Variants in ATAD2B observed in about 807,000 individuals in gnomAD.
ATAD2B encodes the protein ATPase family AAA domain-containing protein 2B.
In ATAD2B, 40 loss-of-function variants were observed where a neutral mutation model predicts 167.6. The ratio of observed to expected loss-of-function variants is 0.24; its 90% CI spans 0.19 to 0.31. The LOEUF (loss-of-function observed/expected upper bound fraction) is 0.31, where lower values mean the gene tolerates loss of function less well. ATAD2B is among the 10% of genes least tolerant of loss of function. ATAD2B has a pLI of 1.00. For synonymous variants in ATAD2B, 579 were observed against 596.5 expected, an observed-to-expected ratio of 0.97 and a Z score of 0.43; for missense variants, 1,242 against 1,757.2, an observed-to-expected ratio of 0.71 and a Z score of 5.24.
chr2:23,884,746 CAA>C lies in ATAD2B; in HGVS notation c.784+17_784+18del. ...CTCCCACCTGAACTTTCTAGAATTC[CAA>C]AAAGTGCTTTACAAACCTTCTTCTT... On this transcript the variant is annotated intron_variant, in intron 6 of 27. Coordinates refer to ENST00000238789, the MANE Select transcript of ATAD2B (RefSeq NM_017552.4). The C allele has an allele frequency of 6.8e-7, 1 of 1,465,292 alleles. No homozygotes were observed. The highest frequency in any genetic ancestry group is 9.3e-7 in the Non-Finnish European group (1 of 1,078,514). The allele number at this position is 1,465,292 out of a possible 1,614,324, so 90.8% of individuals were successfully genotyped here.
intron 25 of ATAD2B, among the ~76,000 whole-genome samples, chr2:23,755,794 T>C (rs1006691335): frequency 1.3e-4 from 20 of 152,168 alleles, no homozygotes; most frequent in Admixed American, 9.2e-4. Context: ...TGTATCATGA[T>C]ATATCAGAGA....
chr2:23,845,896 T>C (rs1174633845), intron 13 of ATAD2B, among the ~76,000 whole-genome samples: 1 of 137,268 alleles, frequency 7.3e-6, no homozygotes, highest in Non-Finnish European at 1.5e-5. Context: ...TGGATCTTAT[T>C]AGGGGTAGAA....
intron 23 of ATAD2B, among the ~76,000 whole-genome samples, chr2:23,764,937 T>C (rs1045980238): frequency 3.9e-5 from 6 of 152,340 alleles, no homozygotes; most frequent in African/African-American, 1.4e-4. Flanking sequence ...GGTTCCCTAC[T>C]GGGAGGTCTC....
At chr2:23,872,118 C>T (rs1291277525) in intron 8 of ATAD2B, 8 of 252,974 alleles carry the variant, frequency 3.2e-5, no homozygotes, top group African/African-American at 9.0e-5. Flanking sequence ...CCTCATGATT[C>T]GCCCATCTCG....
the ATAD2B span, among the ~76,000 whole-genome samples, chr2:23,728,673 A>C: frequency 1.3e-5 from 2 of 152,230 alleles, no homozygotes; most frequent in African/African-American, 4.8e-5. Context: ...AAAACACTAT[A>C]ATCAAATTTT....
intron 18 of ATAD2B, among the ~76,000 whole-genome samples, chr2:23,804,674 GAA>G (rs556263378): frequency 1.6e-5 from 2 of 126,162 alleles, no homozygotes; most frequent in African/African-American, 2.9e-5. Context: ...AAAAAATCAG[GAA>G]AAAAAAAAAA....
chr2:23,864,469 A>C (rs1021962502), intron 11 of ATAD2B, among the ~76,000 whole-genome samples: 1 of 152,188 alleles, frequency 6.6e-6, no homozygotes, highest in Non-Finnish European at 1.5e-5. Flanking sequence ...GAAACACATC[A>C]ATAAAACTGT....
chr2:23,794,968 G>T (rs549705509), intron 19 of ATAD2B, among the ~76,000 whole-genome samples: 3 of 152,090 alleles, frequency 2.0e-5, no homozygotes, highest in Non-Finnish European at 4.4e-5. Context: ...GAATGTCAAA[G>T]AAGTTCTAAA....
At chr2:23,892,224 C>T (rs186122552) in intron 2 of ATAD2B, among the ~76,000 whole-genome samples, 193 of 152,056 alleles carry the variant, frequency 1.3e-3, no homozygotes, top group African/African-American at 4.4e-3. Context: ...AGTGCAGTGG[C>T]GCGATCTTGG....
chr2:23,689,024 C>T, the ATAD2B span: 16 of 153,294 alleles, frequency 1.0e-4, no homozygotes, highest in African/African-American at 3.8e-4. Context: ...GCGCCCCCAC[C>T]CCCTCACAGC....
intron 13 of ATAD2B, among the ~76,000 whole-genome samples, chr2:23,838,293 T>G (rs1392184960): frequency 6.6e-6 from 1 of 152,232 alleles, no homozygotes; most frequent in Non-Finnish European, 1.5e-5. Flanking sequence ...AATCTTTCCT[T>G]GGTATCTTCC....
chr2:23,719,312 G>T, the ATAD2B span, among the ~76,000 whole-genome samples: 1 of 152,076 alleles, frequency 6.6e-6, no homozygotes, highest in Non-Finnish European at 1.5e-5. Flanking sequence ...GACATACAAG[G>T]AACTAGGAAT....
At chr2:23,726,836 T>C in the ATAD2B span, among the ~76,000 whole-genome samples, 1 of 152,170 alleles carries the variant, frequency 6.6e-6, no homozygotes, top group African/African-American at 2.4e-5. Flanking sequence ...AGCTTCAGTT[T>C]TGCAAGATGA....
chr2:23,877,067 C>CAAAAA (rs36018928), intron 7 of ATAD2B, among the ~76,000 whole-genome samples: 5 of 109,012 alleles, frequency 4.6e-5, no homozygotes, highest in East Asian at 2.5e-4. Context: ...AACTCCATCT[C>CAAAAA]AAAAAAAAAA....
the ATAD2B span, among the ~76,000 whole-genome samples, chr2:23,722,577 T>C: frequency 3.3e-5 from 5 of 152,122 alleles, no homozygotes; most frequent in Non-Finnish European, 5.9e-5. Context: ...AGAAGATTTA[T>C]AGGACACCAT....
chr2:23,906,875 T>C (rs1166846007), intron 1 of ATAD2B, among the ~76,000 whole-genome samples: 3 of 151,822 alleles, frequency 2.0e-5, no homozygotes, highest in Non-Finnish European at 4.4e-5. Context: ...ACCACATGAT[T>C]ATCTCAATAG....
chr2:23,782,160 C>T (rs1285585231), intron 22 of ATAD2B, among the ~76,000 whole-genome samples: 1 of 152,172 alleles, frequency 6.6e-6, no homozygotes, highest in African/African-American at 2.4e-5. Flanking sequence ...AGCCTTGCTC[C>T]ATTTTCTTGC....
At chr2:23,906,491 G>T (rs917710863) in intron 1 of ATAD2B, among the ~76,000 whole-genome samples, 4 of 152,152 alleles carry the variant, frequency 2.6e-5, no homozygotes, top group Non-Finnish European at 2.9e-5. Context: ...ATTTGGGGTG[G>T]AGAGTTCTGT....
intron 1 of ATAD2B, among the ~76,000 whole-genome samples, chr2:23,908,366 G>A (rs1231378581): frequency 6.6e-6 from 1 of 152,202 alleles, no homozygotes; most frequent in African/African-American, 2.4e-5. Context: ...CATTTATGCA[G>A]CCAAAAAACA....
Sources: gnomAD v4.1 joint callset for allele counts (sites outside exome capture counted in the v4.1 genomes callset) on GRCh38, gnomAD v4.1.1 for gene constraint, MANE v1.5 for transcripts, NCBI Gene and HGNC (gene_info 2026-07-23, HGNC 2026-07-21) for gene names.